Variants in CAPS2 observed in about 807,000 individuals in gnomAD.
The protein encoded by CAPS2 is calcyphosin-2.
In CAPS2, 98 loss-of-function variants were observed where a neutral mutation model predicts 86.5. The ratio of observed to expected loss-of-function variants is 1.13; its 90% CI spans 0.96 to 1.34. The LOEUF is 1.34. CAPS2 is among the 40% of genes most tolerant of loss of function. The pLI is 0.00. For missense variants in CAPS2, 729 were observed against 686.8 expected (o/e 1.06, Z -0.69); for synonymous variants, 210 against 225.1 (o/e 0.93, Z 0.60).
chr12:75,364,869 C>T (rs1026043934), intron 1 of CAPS2: 10 of 152,052 alleles, frequency 6.6e-5, no homozygotes, highest in African/African-American at 2.4e-4. Context: ...ACCCAGGAGG[C>T]TTTGTCATGG....
chr12:75,286,420 A>C (rs1237937448), intron 14 of CAPS2, among the ~76,000 whole-genome samples: 2 of 152,038 alleles, frequency 1.3e-5, no homozygotes, highest in East Asian at 1.9e-4. Flanking sequence ...TAGAATTGAA[A>C]GATACTTCTT....
At chr12:75,320,684 C>T (rs1331079572) in intron 5 of CAPS2, among the ~76,000 whole-genome samples, 1 of 151,576 alleles carries the variant, frequency 6.6e-6, no homozygotes, top group Non-Finnish European at 1.5e-5. Flanking sequence ...TTAAAACGTC[C>T]CTGGAAACAC....
At chr12:75,282,678 C>T (rs1011437035) in intron 15 of CAPS2, among the ~76,000 whole-genome samples, 22 of 152,082 alleles carry the variant, frequency 1.4e-4, no homozygotes, top group Non-Finnish European at 2.2e-4. Flanking sequence ...TGAGCCACCA[C>T]GTCCGGCCTG....
chr12:75,343,246 T>A (rs916162659), intron 1 of CAPS2, among the ~76,000 whole-genome samples: 7 of 152,238 alleles, frequency 4.6e-5, no homozygotes, highest in African/African-American at 1.7e-4. Flanking sequence ...CACCATTTGA[T>A]AAGATTTTTG....
chr12:75,293,430 C>G, intron 11 of CAPS2, 63 bp from the exon 12 acceptor site: 1 of 987,676 alleles, frequency 1.0e-6, no homozygotes, highest in Non-Finnish European at 1.6e-6. Context: ...TAACTAACAT[C>G]AATTTTAAAT....
At chr12:75,315,590 A>C (rs1222947725) in intron 6 of CAPS2, among the ~76,000 whole-genome samples, 1 of 152,196 alleles carries the variant, frequency 6.6e-6, no homozygotes, top group Non-Finnish European at 1.5e-5. Context: ...TTGCCACTCA[A>C]TGATAATAGT....
At chr12:75,276,224 T>C (rs1260736307), downstream of CAPS2, 2 of 1,544,156 alleles carry the variant, frequency 1.3e-6, no homozygotes, top group Non-Finnish European at 8.7e-7. Flanking sequence ...TTAAGCATTT[T>C]CATGTTTGTC....
upstream of CAPS2, chr12:75,334,368 C>T (rs939218158): frequency 2.8e-5 from 17 of 601,926 alleles, no homozygotes; most frequent in Non-Finnish European, 3.6e-5. Flanking sequence ...TGTCAGCATC[C>T]CGCACTTGTT....
At chr12:75,375,961 C>G in intron 1 of CAPS2, among the ~76,000 whole-genome samples, 1 of 152,176 alleles carries the variant, frequency 6.6e-6, no homozygotes, top group East Asian at 1.9e-4. Context: ...TTCAAGGATG[C>G]AGGTACTCCC....
intron 1 of CAPS2, among the ~76,000 whole-genome samples, chr12:75,350,632 G>C (rs1179533442): frequency 6.6e-6 from 1 of 151,984 alleles, no homozygotes; most frequent in African/African-American, 2.4e-5. Flanking sequence ...ACTGCTAAAA[G>C]AACAAACAGA....
At chr12:75,277,349 A>G in exon 17 of CAPS2, 1 of 972,806 alleles carries the variant, frequency 1.0e-6, no homozygotes. Context: ...ATGCATATTG[A>G]GCACCCCCAG....
At chr12:75,316,981 A>G (rs550431447) in intron 5 of CAPS2, among the ~76,000 whole-genome samples, 1 of 152,310 alleles carries the variant, frequency 6.6e-6, no homozygotes, top group South Asian at 2.1e-4. Context: ...AGTTTCCAAT[A>G]AAATAGCAAC....
intron 1 of CAPS2, chr12:75,363,204 T>C: frequency 8.2e-7 from 1 of 1,212,960 alleles, no homozygotes; most frequent in Non-Finnish European, 1.1e-6. Flanking sequence ...AGCAAAAATA[T>C]ATATATATAA....
intron 14 of CAPS2, among the ~76,000 whole-genome samples, chr12:75,287,806 G>C (rs950321445): frequency 1.3e-5 from 2 of 152,200 alleles, no homozygotes; most frequent in African/African-American, 4.8e-5. Context: ...GGAGGGGGTG[G>C]TGGGAACCCC....
chr12:75,308,559 T>C (rs1251145698), intron 7 of CAPS2, among the ~76,000 whole-genome samples: 1 of 152,182 alleles, frequency 6.6e-6, no homozygotes, highest in East Asian at 1.9e-4. Context: ...GCAAAGAACC[T>C]GGACACCCTC....
At chr12:75,322,968 A>G (rs1428685429) in intron 4 of CAPS2, 1 of 1,387,238 alleles carries the variant, frequency 7.2e-7, no homozygotes, top group South Asian at 1.3e-5. Flanking sequence ...GCAAATAAAT[A>G]CTAACCAATT....
chr12:75,357,759 A>C (rs1183579683), intron 1 of CAPS2, among the ~76,000 whole-genome samples: 2 of 152,096 alleles, frequency 1.3e-5, no homozygotes, highest in Non-Finnish European at 2.9e-5. Context: ...TAAATAACTC[A>C]TGAATCAAAG....
Position 75,310,559 on chromosome 12 carries a change from CT to C in CAPS2, c.659+2288del, listed in dbSNP as rs552718196. Among the ~76,000 whole-genome samples, 188 of 152,134 alleles carry C rather than the reference CT, an allele frequency of 1.2e-3. 1 individual carries two copies. The highest frequency in any genetic ancestry group is 4.4e-3 in the African/African-American group (181 of 41,450). On this transcript the variant is annotated intron_variant, in intron 7 of 16. Coordinates refer to ENST00000393284, the Ensembl canonical transcript of CAPS2. ...CCAAGGTCCAAGGTCCAATGGTGGG[CT>C]TGGATAGACTGTGTTATTGGCCTGA...
At chr12:75,370,454 G>A (rs555030799) in intron 1 of CAPS2, 36 of 239,118 alleles carry the variant, frequency 1.5e-4, no homozygotes, top group East Asian at 2.4e-4. Flanking sequence ...TATCATTTTA[G>A]TTATAGTACA....
Sources: gnomAD v4.1 joint callset for allele counts (sites outside exome capture counted in the v4.1 genomes callset) on GRCh38, gnomAD v4.1.1 for gene constraint, MANE v1.5 for transcripts, NCBI Gene and HGNC (gene_info 2026-07-23, HGNC 2026-07-21) for gene names.